The following THSD7B variants were observed in gnomAD, a reference collection of about 807,000 sequenced individuals.
The protein encoded by THSD7B is thrombospondin type 1 domain containing 7B, also known as thrombospondin type-1 domain-containing protein 7B.
Under a neutral mutation model 213.6 loss-of-function variants are expected in THSD7B, and 138 were observed. That is an observed-to-expected ratio of 0.65 (90% confidence interval 0.56 to 0.74). The LOEUF is 0.74. Ranked by LOEUF, THSD7B falls within the 30% of genes least tolerant of loss-of-function variation. THSD7B has a pLI of 0.00. For missense variants in THSD7B, 1,931 were observed against 1,991.5 expected (o/e 0.97, Z 0.58); for synonymous variants, 742 against 687.0 (o/e 1.08, Z -1.25).
At chr2:136,920,606 A>C (rs1684419591) in intron 2 of THSD7B, among the ~76,000 whole-genome samples, 1 of 152,200 alleles carries the variant, frequency 6.6e-6, no homozygotes, top group African/African-American at 2.4e-5. Flanking sequence ...TTCACCTGGA[A>C]CTGGCAGCCT....
At chr2:137,389,021 T>C (rs1685956005) in intron 12 of THSD7B, among the ~76,000 whole-genome samples, 1 of 151,778 alleles carries the variant, frequency 6.6e-6, no homozygotes, top group African/African-American at 2.4e-5. Context: ...TTTCTATCCT[T>C]TGGATAAATA....
intron 17 of THSD7B, among the ~76,000 whole-genome samples, chr2:137,574,695 G>T (rs1681423018): frequency 6.6e-6 from 1 of 151,964 alleles, no homozygotes; most frequent in Admixed American, 6.6e-5. Flanking sequence ...GGTAATTAGG[G>T]CTCATACCTG....
At chr2:137,423,630 A>G (rs1686976935) in intron 14 of THSD7B, among the ~76,000 whole-genome samples, 2 of 152,112 alleles carry the variant, frequency 1.3e-5, no homozygotes, top group South Asian at 4.1e-4. Context: ...ACGCTATAAA[A>G]CATTGTTGGG....
At chr2:136,916,112 T>G (rs1684344205) in intron 2 of THSD7B, among the ~76,000 whole-genome samples, 2 of 151,900 alleles carry the variant, frequency 1.3e-5, no homozygotes, top group African/African-American at 4.9e-5. Flanking sequence ...ATGATGGATG[T>G]TTTTGTTTTT....
chr2:137,147,751 T>A (rs1180400551), intron 5 of THSD7B, among the ~76,000 whole-genome samples: 1 of 152,184 alleles, frequency 6.6e-6, no homozygotes, highest in African/African-American at 2.4e-5. Context: ...GGGCATCTTG[T>A]GACCAGAACT....
intron 2 of THSD7B, among the ~76,000 whole-genome samples, chr2:137,020,174 T>A (rs1215575637): frequency 6.6e-6 from 1 of 152,130 alleles, no homozygotes; most frequent in Non-Finnish European, 1.5e-5. Flanking sequence ...AAAGGGCTTA[T>A]CAAGACCCTA....
intron 17 of THSD7B, among the ~76,000 whole-genome samples, chr2:137,583,416 G>A (rs1355313318): frequency 6.6e-6 from 1 of 152,156 alleles, no homozygotes; most frequent in African/African-American, 2.4e-5. Flanking sequence ...CCTTGCCCAT[G>A]CCTATGTCCT....
intron 7 of THSD7B, among the ~76,000 whole-genome samples, chr2:137,193,501 G>GTT (rs1680700723): frequency 6.6e-6 from 1 of 152,048 alleles, no homozygotes; most frequent in Admixed American, 6.6e-5. Flanking sequence ...TTCACCACAC[G>GTT]TAAGAGAACT....
intron 2 of THSD7B, among the ~76,000 whole-genome samples, chr2:137,039,074 T>A (rs1329310320): frequency 2.0e-5 from 3 of 152,218 alleles, no homozygotes; most frequent in Non-Finnish European, 4.4e-5. Flanking sequence ...CACACAGTTA[T>A]GTAAACATTA....
intron 3 of THSD7B, among the ~76,000 whole-genome samples, chr2:137,062,965 T>C (rs890027663): frequency 5.9e-5 from 9 of 151,892 alleles, no homozygotes; most frequent in African/African-American, 1.7e-4. Context: ...CCTTGCCTCA[T>C]AGATTTTGAC....
chr2:137,173,363 ACT>A (rs1294038487), intron 7 of THSD7B, among the ~76,000 whole-genome samples: 1 of 152,040 alleles, frequency 6.6e-6, no homozygotes, highest in Non-Finnish European at 1.5e-5. Context: ...GTGATAAATG[ACT>A]CTCATGCTTT....
chr2:137,471,024 A>T (rs544072699), intron 15 of THSD7B, among the ~76,000 whole-genome samples: 30 of 148,694 alleles, frequency 2.0e-4, no homozygotes, highest in African/African-American at 7.5e-4. Flanking sequence ...GGTTCAAGTG[A>T]TTCTCCTCTC....
At chr2:137,637,639 T>C (rs1472267996) in intron 20 of THSD7B, among the ~76,000 whole-genome samples, 2 of 152,262 alleles carry the variant, frequency 1.3e-5, no homozygotes, top group East Asian at 3.9e-4. Flanking sequence ...TGAGACTTCA[T>C]TATTTTAAAA....
intron 2 of THSD7B, among the ~76,000 whole-genome samples, chr2:136,969,851 G>A (rs1394744203): frequency 6.6e-6 from 1 of 152,112 alleles, no homozygotes; most frequent in East Asian, 1.9e-4. Flanking sequence ...GCTTTTCAGT[G>A]TTCAATGTGT....
chr2:137,612,772 C>T (rs1385300096), intron 17 of THSD7B, among the ~76,000 whole-genome samples: 1 of 152,084 alleles, frequency 6.6e-6, no homozygotes, highest in East Asian at 1.9e-4. Flanking sequence ...ACTATCAAAT[C>T]TCATAATGAA....
At chr2:137,574,008 G>A (rs1050944501) in intron 17 of THSD7B, among the ~76,000 whole-genome samples, 1 of 152,030 alleles carries the variant, frequency 6.6e-6, no homozygotes, top group African/African-American at 2.4e-5. Flanking sequence ...TTATATTTTA[G>A]AAAGTGTGCT....
At chr2:137,241,322 A>G (rs1681895054) in intron 9 of THSD7B, among the ~76,000 whole-genome samples, 1 of 152,226 alleles carries the variant, frequency 6.6e-6, no homozygotes. Context: ...TTCTTGGTGT[A>G]ACACTGTTGT....
intron 2 of THSD7B, among the ~76,000 whole-genome samples, chr2:137,042,048 A>G (rs191089471): frequency 1.3e-4 from 20 of 152,316 alleles, no homozygotes; most frequent in Admixed American, 1.3e-3. Flanking sequence ...ATCTGATCTC[A>G]TGTCTCAGGA....
At chr2:136,955,261 G>A (rs1386889942) in intron 2 of THSD7B, among the ~76,000 whole-genome samples, 3 of 152,178 alleles carry the variant, frequency 2.0e-5, no homozygotes, top group Non-Finnish European at 4.4e-5. Flanking sequence ...TGGAGCTGAT[G>A]TATAAATGGA....
Sources: gnomAD v4.1 joint callset for allele counts (sites outside exome capture counted in the v4.1 genomes callset) on GRCh38, gnomAD v4.1.1 for gene constraint, MANE v1.5 for transcripts, NCBI Gene and HGNC (gene_info 2026-07-23, HGNC 2026-07-21) for gene names.